LYST: variants seen among roughly 807,000 people sequenced by gnomAD.
The protein encoded by LYST is lysosomal-trafficking regulator.
A neutral mutation model predicts 413.6 loss-of-function variants in LYST; 192 were observed. That is an observed-to-expected ratio of 0.46 (90% CI 0.41 to 0.52). The LOEUF is 0.52. Ranked by LOEUF, LYST falls within the 20% of genes least tolerant of loss-of-function variation. LYST has a pLI of 0.00. For synonymous variants in LYST, 1,525 were observed against 1,567.3 expected (o/e 0.97, Z 0.64); for missense variants, 3,815 against 4,499.9 (o/e 0.85, Z 4.35).
chr1:235,871,095 C>T (rs560344676), upstream of LYST, among the ~76,000 whole-genome samples: 1 of 152,318 alleles, frequency 6.6e-6, no homozygotes, highest in East Asian at 1.9e-4. Context: ...GCATATACAT[C>T]TTTTACAATT....
At position 235,664,196 on chromosome 1, in the gene LYST, A is replaced by AG; in HGVS notation, c.11196-142dup. 1 of 773,588 alleles carries AG rather than the reference A, an allele frequency of 1.3e-6. No homozygotes were observed. Among genetic ancestry groups the AG allele is most frequent in the East Asian group, 2.5e-5 (1 of 39,984 alleles). 47.9% of individuals were successfully genotyped at this position (773,588 alleles called of 1,614,324 possible). A position where few individuals can be genotyped will look rare whatever the true frequency, so the allele number is the denominator to read the frequency against. On this transcript the variant is annotated intron_variant, in intron 51 of 52. Coordinates refer to ENST00000389793, the MANE Select transcript of LYST (RefSeq NM_000081.4). This position sits in a 1 kb window ranked among gnomAD's most constrained non-coding sequence, Gnocchi z 4.5. ...CAGTAGTTCCCTCTAGGGAGTTTGC[A>AG]GGGGGTAGATGTGGGAATAAGAGAA...
intron 1 of LYST, among the ~76,000 whole-genome samples, chr1:235,846,958 T>G (rs9651086): frequency 0.51 from 77,070 of 151,888 alleles, 22,985 homozygotes; most frequent in African/African-American, 0.83. Context: ...CATATCTGGG[T>G]GGATAATTGA....
intron 50 of LYST, among the ~76,000 whole-genome samples, chr1:235,671,291 C>A (rs999455995): frequency 7.2e-5 from 11 of 152,218 alleles, no homozygotes; most frequent in African/African-American, 2.6e-4. Context: ...CAAATAATAA[C>A]AATATAAGCA....
At chr1:235,838,778 G>A (rs962674590) in intron 1 of LYST, among the ~76,000 whole-genome samples, 1 of 152,022 alleles carries the variant, frequency 6.6e-6, no homozygotes, top group African/African-American at 2.4e-5. Context: ...CCCCAATCTT[G>A]GGCTTCAATT....
intron 10 of LYST, among the ~76,000 whole-genome samples, chr1:235,795,162 G>A (rs1342647190): frequency 6.6e-6 from 1 of 152,118 alleles, no homozygotes; most frequent in Admixed American, 6.5e-5. Flanking sequence ...GTGACAGTGC[G>A]GCCGACAATA....
intron 8 of LYST, among the ~76,000 whole-genome samples, chr1:235,801,747 G>A (rs1672253765): frequency 6.6e-6 from 1 of 152,092 alleles, no homozygotes; most frequent in Admixed American, 6.5e-5. Flanking sequence ...ATGGTAAGCT[G>A]TACTATAAAA....
At chr1:235,745,593 C>G (rs867896720) in intron 29 of LYST, among the ~76,000 whole-genome samples, 3 of 152,142 alleles carry the variant, frequency 2.0e-5, no homozygotes, top group African/African-American at 7.2e-5. Flanking sequence ...AAAATAAAGA[C>G]TTATATTCTT....
intron 45 of LYST, among the ~76,000 whole-genome samples, chr1:235,699,095 TCTC>T (rs1167267102): frequency 1.3e-5 from 2 of 152,002 alleles, no homozygotes; most frequent in African/African-American, 4.8e-5. Context: ...TGATCATTAT[TCTC>T]CTTTCTTTTT....
chr1:235,695,435 A>C (rs916714821), intron 46 of LYST, among the ~76,000 whole-genome samples: 11 of 152,220 alleles, frequency 7.2e-5, no homozygotes, highest in Admixed American at 1.3e-4. Context: ...GACAAATTCC[A>C]AATACATTGT....
chr1:235,698,829 C>T (rs1001921594), intron 45 of LYST, among the ~76,000 whole-genome samples: 26 of 152,012 alleles, frequency 1.7e-4, no homozygotes, highest in East Asian at 3.9e-4. Context: ...GCCGAGATCA[C>T]GCCACTGCAC....
Position 235,759,199 on chromosome 1 carries a change from A to G in LYST, c.6654T>C (p.Pro2218=). Residue 2218 remains proline, a synonymous_variant, in exon 23 of 53, where the codon CCT becomes CCC. Transcript: ENST00000389793. ...GAEPRSEDDS[P]GDESCPRRPD... is the part of the protein sequence containing the mutation. ...GTCGGCGTGGGCAGGACTCATCCCC[A>G]GGACTGTCATCTTCTGACCTGGGTT... is the stretch of plus-strand genomic sequence containing the variant. The G allele has an allele frequency of 6.2e-7, 1 of 1,614,134 alleles. No homozygotes were observed. The highest frequency in any genetic ancestry group is 8.5e-7 in the Non-Finnish European group (1 of 1,180,020).
At chr1:235,870,169 G>A (rs770138410), upstream of LYST, among the ~76,000 whole-genome samples, 3 of 152,128 alleles carry the variant, frequency 2.0e-5, no homozygotes, top group Non-Finnish European at 4.4e-5. Context: ...GGTGTGGGGA[G>A]GTGGGTGGCA....
chr1:235,755,002 A>C (rs886308704), intron 25 of LYST, among the ~76,000 whole-genome samples: 1 of 137,138 alleles, frequency 7.3e-6, no homozygotes, highest in Admixed American at 8.1e-5. Flanking sequence ...TGAATCTAGG[A>C]GTTCAAGGCT....
intron 42 of LYST, 99 bp from the exon 43 acceptor site, chr1:235,712,296 A>G (rs1391214922): frequency 1.2e-6 from 1 of 856,536 alleles, no homozygotes; most frequent in Non-Finnish European, 1.8e-6. Flanking sequence ...AAAAGATTAA[A>G]ATAATGCTAA....
rs1198652993 is a variant in LYST at position 235,791,667 on chromosome 1, T to C, written c.4543+32A>G. The C allele has an allele frequency of 4.5e-6, 7 of 1,553,446 alleles. No homozygotes were observed. In the East Asian group the frequency reaches 1.6e-4, roughly 35 times the overall value. On this transcript the variant is annotated intron_variant, in intron 12 of 52. Transcript: ENST00000389793. Reference sequence around the variant, plus strand: ...AAAATTATAGTCTGAAAACAATCTTTGTGTACAAATCAGATAATCCTGTCA... The same window carrying C: ...AAAATTATAGTCTGAAAACAATCTTCGTGTACAAATCAGATAATCCTGTCA...
At chr1:235,839,339 C>T (rs758866072) in intron 1 of LYST, 12 of 151,662 alleles carry the variant, frequency 7.9e-5, no homozygotes, top group Middle Eastern at 6.7e-3. Flanking sequence ...TCACTGCAAC[C>T]TCCACCTCCC....
intron 36 of LYST, 112 bp downstream of exon 36, chr1:235,730,735 G>T: frequency 1.2e-6 from 1 of 846,248 alleles, no homozygotes; most frequent in Non-Finnish European, 2.0e-6. Context: ...AGCCTTTCCT[G>T]TTTAGGATTT....
chr1:235,763,399 C>A (rs1397027367), intron 21 of LYST, among the ~76,000 whole-genome samples: 3 of 139,982 alleles, frequency 2.1e-5, no homozygotes, highest in Non-Finnish European at 4.8e-5. Flanking sequence ...CCTGGAGCTA[C>A]CCTTGACCAC....
Position 235,723,877 on chromosome 1 carries a change from C to T in LYST, c.9315+151G>A, listed in dbSNP as rs536968176. 3.0e-5 allele frequency: 20 copies of T among 674,128 alleles called. No individual in the cohort carries two copies. The South Asian group carries it at 3.4e-4, about 11-fold the overall frequency. The allele number at this position is 674,128 out of a possible 1,614,324, so 41.8% of individuals were successfully genotyped here. On this transcript the variant is annotated intron_variant, in intron 39 of 52. Transcript: ENST00000389793. Reference sequence around the variant, plus strand: ...CTCACTGTGGAGGTCAAAGACAATCCTCATATAACAAAGGCTTCACTTTAA... The same window carrying T: ...CTCACTGTGGAGGTCAAAGACAATCTTCATATAACAAAGGCTTCACTTTAA...
Sources: allele counts gnomAD v4.1 joint callset (sites outside exome capture counted in the v4.1 genomes callset), GRCh38; gene constraint gnomAD v4.1.1; non-coding constraint Gnocchi (gnomAD v3.1); transcripts MANE v1.5; gene names NCBI Gene and HGNC (gene_info 2026-07-23, HGNC 2026-07-21).